HLCS: variants seen among roughly 807,000 people sequenced by gnomAD.
HLCS encodes holocarboxylase synthetase, also known as biotin--protein ligase.
Under a neutral mutation model 75.0 loss-of-function variants are expected in HLCS, and 53 were observed. The observed-to-expected ratio is 0.71, with a 90% CI of 0.57 to 0.89. HLCS has a LOEUF of 0.89. Among genes scored for constraint, HLCS ranks in the 40% least tolerant of loss-of-function variants. The pLI is 0.00. For missense variants in HLCS, 966 were observed against 1,074.0 expected, an observed-to-expected ratio of 0.90 and a Z score of 1.41; for synonymous variants, 431 against 428.6, an observed-to-expected ratio of 1.01 and a Z score of -0.07.
At chr21:36,923,031 G>T (rs1190571048) in intron 5 of HLCS, among the ~76,000 whole-genome samples, 1 of 152,306 alleles carries the variant, frequency 6.6e-6, no homozygotes, top group East Asian at 1.9e-4. Context: ...CAACGGTTCC[G>T]TCATCGCCGG....
In HLCS at chr21:36,842,408, A is replaced by G. The variant is rs925554109; in HGVS notation, c.1892+54452T>C. 1.3e-5 allele frequency among the ~76,000 whole-genome samples: 2 copies of G among 152,146 alleles called. No individual in the cohort carries two copies. Among genetic ancestry groups the G allele is most frequent in the Non-Finnish European group, 1.5e-5 (1 of 68,020 alleles). ...AATGCTGCACCCTCAGGATGTGTGC[A>G]CTTTTCTGGAGGCATATTATACTTC... On this transcript the variant is annotated intron_variant, in intron 6 of 10. Transcript: ENST00000674895. The surrounding 1 kb of genome is among the most constrained non-coding windows in gnomAD (Gnocchi z 4.2).
intron 6 of HLCS, among the ~76,000 whole-genome samples, chr21:36,855,311 G>A (rs989778338): frequency 1.5e-4 from 23 of 151,874 alleles, no homozygotes; most frequent in Non-Finnish European, 1.5e-5. Flanking sequence ...CGGGTGGATT[G>A]CCTGAGGTCA....
chr21:36,866,434 TG>T (rs2063558643), intron 6 of HLCS, among the ~76,000 whole-genome samples: 1 of 152,218 alleles, frequency 6.6e-6, no homozygotes. Flanking sequence ...GTGTACAATG[TG>T]GCGTAAAAGA....
intron 6 of HLCS, among the ~76,000 whole-genome samples, chr21:36,772,889 G>GA (rs2060251104): frequency 6.7e-6 from 1 of 148,794 alleles, no homozygotes; most frequent in Admixed American, 6.9e-5. Context: ...GCTGAGGCAG[G>GA]AAAATGGCTT....
chr21:36,959,047 T>C (rs1439501628), intron 2 of HLCS, among the ~76,000 whole-genome samples: 1 of 152,050 alleles, frequency 6.6e-6, no homozygotes, highest in Non-Finnish European at 1.5e-5. Context: ...CGCTTCTGAG[T>C]TGGCAGGGCA....
chr21:36,784,810 C>A (rs2060639212), intron 6 of HLCS, among the ~76,000 whole-genome samples: 1 of 152,092 alleles, frequency 6.6e-6, no homozygotes, highest in Non-Finnish European at 1.5e-5. Flanking sequence ...TGGCCAAGTT[C>A]ATCAGTTCTG....
intron 5 of HLCS, among the ~76,000 whole-genome samples, chr21:36,923,916 G>A (rs370598191): frequency 7.9e-5 from 12 of 152,278 alleles, no homozygotes; most frequent in African/African-American, 2.9e-4. Context: ...GTATATGAAA[G>A]ACCCTTAAAA....
In HLCS at chr21:36,888,473, TA is replaced by T. The variant is rs1569149800; in HGVS notation, c.1892+8386del. Among the ~76,000 whole-genome samples the T allele has an allele frequency of 9.8e-4, 121 of 123,934 alleles. 8 individuals carry two copies. The highest frequency in any genetic ancestry group is 4.7e-3 in the South Asian group (18 of 3,864). The allele number at this position is 123,934 out of a possible 152,430, so 81.3% of individuals were successfully genotyped here. On this transcript the variant is annotated intron_variant, in intron 6 of 10. Transcript: ENST00000674895. ...ATATATATATATATATATATATATA[TA>T]TATATATATATATATATATATATTT...
intron 9 of HLCS, among the ~76,000 whole-genome samples, chr21:36,758,038 G>A (rs1451333292): frequency 6.6e-6 from 1 of 152,136 alleles, no homozygotes; most frequent in Non-Finnish European, 1.5e-5. Context: ...ATGGCCTTCA[G>A]AATTCAATAA....
chr21:36,936,780 C>G lies in HLCS; in HGVS notation c.1106G>C (p.Arg369Thr), dbSNP rs2066905846. Residue 369 changes from arginine (R) to threonine (T), a missense_variant, in exon 4 of 11, where the codon AGG becomes ACG. Transcript: ENST00000674895. ...DNCLLLVIAT[R>T]ESIPEDLYQK... ...GTACAGGTCTTCGGGAATGGACTCC[C>G]TGGTAGCAATGACCAACAGCAGACA... 1 of 1,614,226 alleles carries G rather than the reference C, an allele frequency of 6.2e-7. No homozygotes were observed. The highest frequency in any genetic ancestry group is 1.1e-5 in the South Asian group (1 of 91,086).
chr21:36,861,972 G>A (rs6517385), intron 6 of HLCS, among the ~76,000 whole-genome samples: 74,537 of 151,876 alleles, frequency 0.49, 20,356 homozygotes, highest in African/African-American at 0.75. Context: ...GGCAACCACT[G>A]ATCTATTATA....
At chr21:36,932,919 A>C (rs1321696901) in intron 4 of HLCS, among the ~76,000 whole-genome samples, 1 of 152,128 alleles carries the variant, frequency 6.6e-6, no homozygotes, top group African/African-American at 2.4e-5. Flanking sequence ...GGAGTTTGAG[A>C]CCAGCCTGGA....
At chr21:36,887,331 C>T (rs188667318) in intron 6 of HLCS, among the ~76,000 whole-genome samples, 7 of 152,228 alleles carry the variant, frequency 4.6e-5, no homozygotes, top group East Asian at 1.9e-4. Flanking sequence ...GACACTGGGA[C>T]GGCTCAGTTC....
intron 6 of HLCS, among the ~76,000 whole-genome samples, chr21:36,812,940 T>C (rs939655740): frequency 2.0e-5 from 3 of 152,086 alleles, no homozygotes; most frequent in Non-Finnish European, 4.4e-5. Flanking sequence ...ATGCCTATGG[T>C]CCCAGCTACT....
At chr21:36,792,107 C>T (rs1409005505) in intron 6 of HLCS, among the ~76,000 whole-genome samples, 2 of 152,084 alleles carry the variant, frequency 1.3e-5, no homozygotes, top group East Asian at 3.9e-4. Context: ...CTCTGAAGAA[C>T]AGTAAAAGAC....
chr21:36,945,198 G>A (rs2067330097), intron 2 of HLCS, among the ~76,000 whole-genome samples: 1 of 151,956 alleles, frequency 6.6e-6, no homozygotes, highest in Admixed American at 6.6e-5. Flanking sequence ...TGTACGTCAT[G>A]GTGACTACAG....
At chr21:36,815,557 G>C (rs950593126) in intron 6 of HLCS, among the ~76,000 whole-genome samples, 7 of 152,322 alleles carry the variant, frequency 4.6e-5, no homozygotes, top group Middle Eastern at 3.4e-3. Flanking sequence ...GTACGCTTAA[G>C]AATCCAACAC....
intron 1 of HLCS, among the ~76,000 whole-genome samples, chr21:36,983,821 A>G (rs1399647883): frequency 6.6e-6 from 1 of 151,498 alleles, no homozygotes; most frequent in Non-Finnish European, 1.5e-5. Flanking sequence ...TGGGTGACGC[A>G]GAGAGACTCC....
intron 5 of HLCS, among the ~76,000 whole-genome samples, chr21:36,918,864 T>C (rs1294007037): frequency 6.6e-6 from 1 of 152,224 alleles, no homozygotes; most frequent in Admixed American, 6.5e-5. Context: ...CACATTTGTT[T>C]TGCAACAGGA....
Sources: gnomAD v4.1 joint callset for allele counts (sites outside exome capture counted in the v4.1 genomes callset) on GRCh38, gnomAD v4.1.1 for gene constraint, Gnocchi (gnomAD v3.1) non-coding constraint, MANE v1.5 for transcripts, NCBI Gene and HGNC (gene_info 2026-07-23, HGNC 2026-07-21) for gene names.